Variants in CATSPER1 observed in about 807,000 individuals in gnomAD.
CATSPER1 encodes the protein cation channel sperm associated 1.
CATSPER1 carries 57 observed loss-of-function variants against 72.7 expected under a neutral mutation model. The observed-to-expected ratio is 0.78, with a 90% CI of 0.63 to 0.98. CATSPER1 has a LOEUF of 0.98. CATSPER1 is among the 50% of genes least tolerant of loss of function. The probability of loss-of-function intolerance (pLI) is 0.00; values close to 1 mark genes in which losing one functional copy is unlikely to be tolerated. For missense variants in CATSPER1, 910 were observed against 1,033.9 expected, an observed-to-expected ratio of 0.88 and a Z score of 1.64; for synonymous variants, 363 against 403.0, an observed-to-expected ratio of 0.90 and a Z score of 1.19.
At chr11:66,024,568 C>CCG (rs1212221853) in intron 1 of CATSPER1, among the ~76,000 whole-genome samples, 1 of 152,228 alleles carries the variant, frequency 6.6e-6, no homozygotes, top group African/African-American at 2.4e-5. Context: ...GCGTGAGTCA[C>CCG]CGCGCCTGGC....
In CATSPER1 at chr11:66,020,049, A is replaced by C; in HGVS notation, c.2125+91T>G. On this transcript the variant is annotated intron_variant, in intron 9 of 11. Coordinates refer to ENST00000312106, the MANE Select transcript of CATSPER1 (RefSeq NM_053054.4). The surrounding 1 kb of genome is among the most constrained non-coding windows in gnomAD (Gnocchi z 4.5). ...CTAAAACTCTAAAACTGAGTCTGGAATTCTGTGACTGTGGAAGGAGGTTAG... is the reference window on the plus strand; with the variant it reads ...CTAAAACTCTAAAACTGAGTCTGGACTTCTGTGACTGTGGAAGGAGGTTAG... 7.3e-7 allele frequency: 1 copy of C among 1,379,180 alleles called. No individual in the cohort carries two copies. Among genetic ancestry groups the C allele is most frequent in the South Asian group, 1.2e-5 (1 of 85,010 alleles). The allele number at this position is 1,379,180 out of a possible 1,614,324, so 85.4% of individuals were successfully genotyped here.
Position 66,021,521 on chromosome 11 carries a change from C to G in CATSPER1, c.1666G>C (p.Ala556Pro). The G allele has an allele frequency of 6.2e-7, 1 of 1,613,744 alleles. No homozygotes were observed. The highest frequency in any genetic ancestry group is 8.5e-7 in the Non-Finnish European group (1 of 1,180,004). ...CTGAGCCTCCGCAGGACCCGGATTG[C>G]CCTCAGGGCCCGCAGGCTCTTGAAG... ...KVFKSLRALR[A>P]IRVLRRLSFL... The change falls in exon 4 of 12, where the codon GCA becomes CCA. Residue 556 changes from alanine to proline, a missense_variant. Coordinates refer to ENST00000312106, the MANE Select transcript of CATSPER1 (RefSeq NM_053054.4).
intron 1 of CATSPER1, among the ~76,000 whole-genome samples, chr11:66,024,271 G>GTTTTT (rs796751086): frequency 3.6e-5 from 4 of 110,604 alleles, no homozygotes; most frequent in Non-Finnish European, 5.4e-5. Flanking sequence ...CAGCCTATTT[G>GTTTTT]TTTTTTTTTT....
intron 5 of CATSPER1, 53 bp downstream of exon 5, chr11:66,021,041 C>T (rs1262239765): frequency 1.9e-5 from 30 of 1,603,834 alleles, no homozygotes; most frequent in Non-Finnish European, 2.6e-5. Flanking sequence ...CCCCGCACCC[C>T]TTTCACCGCA....
In CATSPER1 at chr11:66,026,245, C is replaced by A; in HGVS notation, c.135G>T (p.Leu45Phe). The A allele has an allele frequency of 1.9e-6, 3 of 1,613,904 alleles. No individual in the cohort carries two copies. Among genetic ancestry groups the A allele is most frequent in the Non-Finnish European group, 2.5e-6 (3 of 1,179,752 alleles). Residue 45 changes from leucine (L) to phenylalanine (F), a missense_variant, in exon 1 of 12, where the codon TTG becomes TTT. Physicochemically the swap from Leu to Phe is conservative, Grantham distance 22 (BLOSUM62 0). Coordinates refer to ENST00000312106, the MANE Select transcript of CATSPER1 (RefSeq NM_053054.4). The stretch of plus-strand genomic sequence containing the variant: ...GTTGGTGGGGCACGCCGTGATGGTG[C>A]AACTCGTAATGGTGGAGAGCTCTGC... Reference protein sequence around the residue: ...GHSRALHHYELHHHGVPHQRG... With the variant: ...GHSRALHHYEFHHHGVPHQRG...
chr11:66,021,953 A>C, intron 2 of CATSPER1, 74 bp from the exon 3 acceptor site: 5 of 1,150,414 alleles, frequency 4.3e-6, no homozygotes, highest in Non-Finnish European at 6.6e-6. Context: ...CATTAGCCTC[A>C]CACAAGCCCA....
chr11:66,024,271 GTTTTTTTTT>G (rs796751086), intron 1 of CATSPER1, among the ~76,000 whole-genome samples: 7 of 110,604 alleles, frequency 6.3e-5, no homozygotes, highest in East Asian at 6.1e-4. Context: ...CAGCCTATTT[GTTTTTTTTT>G]TTTTTTTTTT....
intron 1 of CATSPER1, among the ~76,000 whole-genome samples, chr11:66,024,273 T>G (rs1240261794): frequency 9.2e-5 from 5 of 54,402 alleles, no homozygotes; most frequent in South Asian, 1.6e-3. Flanking sequence ...GCCTATTTGT[T>G]TTTTTTTTTT....
Position 66,022,988 on chromosome 11 carries a change from G to A in CATSPER1, c.1290C>T (p.Thr430=), listed in dbSNP as rs35484336. The A allele has an allele frequency of 6.0e-4, 972 of 1,614,240 alleles. 4 individuals are homozygous for A. In the African/African-American group the frequency reaches 0.011, roughly 19 times the overall value. The change falls in exon 2 of 12, where the codon ACC becomes ACT. Residue 430 remains threonine, a synonymous_variant. Transcript: ENST00000312106. ...TTTCCCGGAAGCCCTGAATGAGGAA[G>A]GTTAGCTTTTCCCACAGCCACTGGA... ...NLFQWLWEKL[T]FLIQGFREMI... is the part of the protein sequence containing the mutation.
rs1856337410 is a variant in CATSPER1 at position 66,020,471 on chromosome 11, G to A, written c.1992-82C>T. The A allele has an allele frequency of 2.5e-6, 4 of 1,601,698 alleles. No homozygotes were observed. In the East Asian group the frequency reaches 8.9e-5, roughly 36 times the overall value. On this transcript the variant is annotated intron_variant, in intron 7 of 11. Coordinates refer to ENST00000312106, the MANE Select transcript of CATSPER1 (RefSeq NM_053054.4). The surrounding 1 kb of genome is among the most constrained non-coding windows in gnomAD (Gnocchi z 4.5). The stretch of plus-strand genomic sequence containing the variant: ...CGGTACTTCTTGTGGGTTCAGCGTG[G>A]CATGACCAGGGTGAGAGGGCTGGGG...
chr11:66,017,071 T>C lies in CATSPER1; in HGVS notation c.2305A>G (p.Thr769Ala). 6.2e-7 allele frequency: 1 copy of C among 1,613,872 alleles called. No homozygotes were observed. Among genetic ancestry groups the C allele is most frequent in the Non-Finnish European group, 8.5e-7 (1 of 1,179,930 alleles). The change falls in exon 11 of 12, where the codon ACC (threonine) becomes GCC (alanine). Residue 769 changes from threonine (T) to alanine (A), a missense_variant. By Grantham distance (58) the Thr-to-Ala change is moderately conservative (BLOSUM62 0). Transcript: ENST00000312106. ...CCTGCCTGGTTCACCTCAAATGTGG[T>C]GTCCACAATCTCATCGATGACGGCT... ...QAAVIDEIVD[T>A]TFEAGEEDFR... is the part of the protein sequence containing the mutation.
chr11:66,020,098 C>G lies in CATSPER1; in HGVS notation c.2125+42G>C. 3 of 1,605,702 alleles carry G rather than the reference C, an allele frequency of 1.9e-6. No individual in the cohort carries two copies. The highest frequency in any genetic ancestry group is 2.6e-6 in the Non-Finnish European group (3 of 1,173,626). Reference sequence around the variant, plus strand: ...AGGGGGATGGAGAGACTGGCCCCCACTGCGGACGGGCAGGTGGGGCCAGGG... The same window carrying G: ...AGGGGGATGGAGAGACTGGCCCCCAGTGCGGACGGGCAGGTGGGGCCAGGG... On this transcript the variant is annotated intron_variant, in intron 9 of 11. Transcript: ENST00000312106. This position sits in a 1 kb window ranked among gnomAD's most constrained non-coding sequence, Gnocchi z 4.5.
At position 66,021,834 on chromosome 11, in the gene CATSPER1, A is replaced by G; in HGVS notation, c.1475T>C (p.Val492Ala). The stretch of plus-strand genomic sequence containing the variant: ...GATGATCTTGAGCAGGGCTTCCACC[A>G]CGTAGATGCAGAAGAATATGGAGTC... ...ALDSIFFCIY[V>A]VEALLKIIAL... The change falls in exon 3 of 12, where the codon GTG becomes GCG. Residue 492 changes from valine (V) to alanine (A), a missense_variant. By Grantham distance (64) the Val-to-Ala change is moderately conservative (BLOSUM62 0). Coordinates refer to ENST00000312106, the MANE Select transcript of CATSPER1 (RefSeq NM_053054.4). 1.9e-6 allele frequency: 3 copies of G among 1,614,156 alleles called. No individual in the cohort carries two copies. Among genetic ancestry groups the G allele is most frequent in the Non-Finnish European group, 2.5e-6 (3 of 1,180,014 alleles).
Position 66,020,959 on chromosome 11 carries a change from C to T in CATSPER1, c.1784-5G>A, listed in dbSNP as rs1229767006. On this transcript the variant is annotated splice_polypyrimidine_tract_variant and splice_region_variant and intron_variant, in intron 5 of 11. Coordinates refer to ENST00000312106, the MANE Select transcript of CATSPER1 (RefSeq NM_053054.4). The surrounding 1 kb of genome is among the most constrained non-coding windows in gnomAD (Gnocchi z 4.5). ...GGAGGACCGCGGAGAAGAGGACTGGCTGTTCAGGGCCAAACTCAGCTCTCC... is the reference window on the plus strand; with the variant it reads ...GGAGGACCGCGGAGAAGAGGACTGGTTGTTCAGGGCCAAACTCAGCTCTCC... 6.2e-7 allele frequency: 1 copy of T among 1,613,878 alleles called. No individual in the cohort carries two copies. Among genetic ancestry groups the T allele is most frequent in the East Asian group, 2.2e-5 (1 of 44,892 alleles).
At position 66,020,743 on chromosome 11, in the gene CATSPER1, G is replaced by A. The variant is rs908000352; in HGVS notation, c.1927+68C>T. The A allele has an allele frequency of 6.2e-7, 1 of 1,609,182 alleles. No individual in the cohort carries two copies. The highest frequency in any genetic ancestry group is 2.2e-5 in the East Asian group (1 of 44,826). On this transcript the variant is annotated intron_variant, in intron 6 of 11. Coordinates refer to ENST00000312106, the MANE Select transcript of CATSPER1 (RefSeq NM_053054.4). The surrounding 1 kb of genome is among the most constrained non-coding windows in gnomAD (Gnocchi z 4.5). Reference sequence around the variant, plus strand: ...TCAGAAGCCCCACTTTGCCGATGGGGTCACTGAGCCCTGGCCGGTCCACCC... The same window carrying A: ...TCAGAAGCCCCACTTTGCCGATGGGATCACTGAGCCCTGGCCGGTCCACCC...
intron 1 of CATSPER1, among the ~76,000 whole-genome samples, chr11:66,024,267 ATTTG>A (rs1856443483): frequency 1.0e-5 from 1 of 96,418 alleles, no homozygotes; most frequent in African/African-American, 4.3e-5. Context: ...CACCCAGCCT[ATTTG>A]TTTTTTTTTT....
rs1447184218 is a variant in CATSPER1 at position 66,026,357 on chromosome 11, TCAGG to T, written c.19_22del (p.Pro7LysfsTer327). 2 of 1,613,824 alleles carry T rather than the reference TCAGG, an allele frequency of 1.2e-6. No homozygotes were observed. Among genetic ancestry groups the T allele is most frequent in the Non-Finnish European group, 1.7e-6 (2 of 1,179,912 alleles). On this transcript the variant is annotated frameshift_variant, in exon 1 of 12. Transcript: ENST00000312106. LOFTEE classifies it high-confidence loss of function. ...GGTGTCTGCCTCATTCTGAGCCTTT[TCAGG>T]CACTGAGTTTTGATCCATGACTGTG...
chr11:66,019,278 T>A (rs1326376455), intron 9 of CATSPER1, among the ~76,000 whole-genome samples: 1 of 151,944 alleles, frequency 6.6e-6, no homozygotes, highest in Non-Finnish European at 1.5e-5. Flanking sequence ...TAGAACTTTT[T>A]TTTTTCTTTT....
chr11:66,022,936 C>T lies in CATSPER1; in HGVS notation c.1342G>A (p.Ala448Thr). 6.2e-7 allele frequency: 1 copy of T among 1,614,250 alleles called. No homozygotes were observed. The highest frequency in any genetic ancestry group is 8.5e-7 in the Non-Finnish European group (1 of 1,180,042). The change falls in exon 2 of 12, where the codon GCC becomes ACC. Residue 448 changes from alanine to threonine, a missense_variant. Physicochemically the swap from Ala to Thr is moderately conservative, Grantham distance 58. Transcript: ENST00000312106. Reference sequence around the variant, plus strand: ...ACGAAGAAGATGAAAGTTTCAAAGGCCAAGGATTGGGTCAGGTTCCGGATC... The same window carrying T: ...ACGAAGAAGATGAAAGTTTCAAAGGTCAAGGATTGGGTCAGGTTCCGGATC... ...EMIRNLTQSLAFETFIFFVVC... is the reference protein window; with the variant it reads ...EMIRNLTQSLTFETFIFFVVC...
Sources: gnomAD v4.1 joint callset for allele counts (sites outside exome capture counted in the v4.1 genomes callset) on GRCh38, gnomAD v4.1.1 for gene constraint, Gnocchi (gnomAD v3.1) non-coding constraint, MANE v1.5 for transcripts, NCBI Gene and HGNC (gene_info 2026-07-23, HGNC 2026-07-21) for gene names.